Variants in CORIN observed in about 807,000 individuals in gnomAD.
CORIN encodes atrial natriuretic peptide-converting enzyme.
Under a neutral mutation model 125.3 loss-of-function variants are expected in CORIN, and 117 were observed. The ratio of observed to expected loss-of-function variants is 0.93; its 90% CI spans 0.80 to 1.09. CORIN has a LOEUF of 1.09. Ranked by LOEUF, CORIN falls within the 50% of genes least tolerant of loss-of-function variation. CORIN has a pLI of 0.00. For missense variants in CORIN, 1,253 were observed against 1,306.7 expected, an observed-to-expected ratio of 0.96 and a Z score of 0.63; for synonymous variants, 450 against 466.4, an observed-to-expected ratio of 0.96 and a Z score of 0.45.
At chr4:47,678,181 C>T (rs1475187500) in intron 8 of CORIN, 127 bp from the exon 9 acceptor site, 2 of 685,816 alleles carry the variant, frequency 2.9e-6, no homozygotes, top group Admixed American at 2.3e-5. Flanking sequence ...CACAAATGAA[C>T]ATATCATTGA....
intron 3 of CORIN, among the ~76,000 whole-genome samples, chr4:47,779,242 G>A (rs1373453767): frequency 6.6e-6 from 1 of 151,998 alleles, no homozygotes; most frequent in Non-Finnish European, 1.5e-5. Flanking sequence ...TGAGGCAGGC[G>A]GATCACTCAA....
chr4:47,655,178 C>A (rs1284694403), intron 12 of CORIN, among the ~76,000 whole-genome samples: 1 of 151,698 alleles, frequency 6.6e-6, no homozygotes, highest in South Asian at 2.1e-4. Context: ...AGTACTCAGG[C>A]AGTACTTCTC....
intron 1 of CORIN, among the ~76,000 whole-genome samples, chr4:47,831,034 T>C (rs1732966369): frequency 6.6e-6 from 1 of 152,232 alleles, no homozygotes; most frequent in African/African-American, 2.4e-5. Context: ...CTATATTTTC[T>C]GCCCTGCTCC....
rs566259327 is a variant in CORIN at position 47,635,313 on chromosome 4, A to G, written c.2198+6607T>C. ...TTAGAGGAACAAATTACAAACATGT[A>G]AAAAACTATTTTGGATACTGATAAG... On this transcript the variant is annotated intron_variant, in intron 16 of 21. Transcript: ENST00000273857. Among the ~76,000 whole-genome samples the G allele has an allele frequency of 3.5e-4, 53 of 152,326 alleles. 1 individual carries two copies. The South Asian group carries it at 0.011, about 30-fold the overall frequency.
chr4:47,641,769 A>T, intron 16 of CORIN, 151 bp downstream of exon 16: 4 of 839,574 alleles, frequency 4.8e-6, no homozygotes, highest in Non-Finnish European at 7.2e-6. Flanking sequence ...CTATAATTAA[A>T]TATGGTCCTC....
chr4:47,747,395 C>T (rs1215281972), intron 4 of CORIN, among the ~76,000 whole-genome samples: 1 of 152,034 alleles, frequency 6.6e-6, no homozygotes, highest in Admixed American at 6.5e-5. Flanking sequence ...AAACATTCAA[C>T]ATTTTTTGAA....
At chr4:47,627,933 A>C (rs951437358) in intron 16 of CORIN, among the ~76,000 whole-genome samples, 7 of 152,154 alleles carry the variant, frequency 4.6e-5, no homozygotes, top group Admixed American at 6.5e-5. Flanking sequence ...CATTGCAAGG[A>C]ACACCAGCCT....
At chr4:47,697,922 A>G (rs779759088) in intron 5 of CORIN, among the ~76,000 whole-genome samples, 11 of 151,946 alleles carry the variant, frequency 7.2e-5, no homozygotes, top group Middle Eastern at 3.4e-3. Context: ...TTTCATGAGG[A>G]ACTGGAGATA....
intron 19 of CORIN, among the ~76,000 whole-genome samples, chr4:47,610,860 A>G (rs902633550): frequency 6.6e-6 from 1 of 152,122 alleles, no homozygotes; most frequent in African/African-American, 2.4e-5. Flanking sequence ...TCTTTTCCCC[A>G]TTGCTTGTTT....
intron 19 of CORIN, 53 bp from the exon 20 acceptor site, chr4:47,603,721 G>C: frequency 6.4e-7 from 1 of 1,562,034 alleles, no homozygotes; most frequent in South Asian, 1.2e-5. Flanking sequence ...TTTATCATGT[G>C]AAATTCACAT....
intron 5 of CORIN, among the ~76,000 whole-genome samples, chr4:47,720,866 A>C (rs1314610168): frequency 6.6e-6 from 1 of 152,162 alleles, no homozygotes; most frequent in African/African-American, 2.4e-5. Context: ...GGTCTTTGAA[A>C]CACTAACAGG....
intron 2 of CORIN, among the ~76,000 whole-genome samples, chr4:47,793,753 A>T (rs529631952): frequency 8.7e-4 from 133 of 152,300 alleles, no homozygotes; most frequent in African/African-American, 3.0e-3. Context: ...CTAAGTACAG[A>T]TATAGGAGTA....
intron 1 of CORIN, among the ~76,000 whole-genome samples, chr4:47,813,637 G>C (rs1732148130): frequency 1.3e-5 from 2 of 152,184 alleles, no homozygotes; most frequent in African/African-American, 4.8e-5. Flanking sequence ...TTTGAAATGT[G>C]AAGATTAATT....
chr4:47,759,460 C>T (rs1373710297), intron 4 of CORIN, among the ~76,000 whole-genome samples: 1 of 152,092 alleles, frequency 6.6e-6, no homozygotes, highest in African/African-American at 2.4e-5. Context: ...GCAAGCTATA[C>T]ATCTAATAAA....
At chr4:47,818,521 T>G (rs1732370646) in intron 1 of CORIN, among the ~76,000 whole-genome samples, 1 of 152,168 alleles carries the variant, frequency 6.6e-6, no homozygotes, top group African/African-American at 2.4e-5. Flanking sequence ...GGCAGTTTTT[T>G]AAAAGCTGCA....
chr4:47,664,500 C>G (rs1036965193), intron 11 of CORIN, among the ~76,000 whole-genome samples: 1 of 152,168 alleles, frequency 6.6e-6, no homozygotes, highest in Non-Finnish European at 1.5e-5. Context: ...ACTCTTGACA[C>G]TAGAATATCA....
chr4:47,601,199 T>C (rs1038407816), intron 20 of CORIN, among the ~76,000 whole-genome samples: 3 of 152,200 alleles, frequency 2.0e-5, no homozygotes, highest in South Asian at 2.1e-4. Flanking sequence ...GTGGGTCTCA[T>C]TGCCTTTAAT....
chr4:47,821,370 G>A (rs1732503265), intron 1 of CORIN, among the ~76,000 whole-genome samples: 1 of 150,294 alleles, frequency 6.7e-6, no homozygotes, highest in Admixed American at 6.6e-5. Flanking sequence ...TTTATTATAG[G>A]TACTTATATA....
rs1437285644 is a variant in CORIN, at chr4:47,595,487, G to A, written c.*234C>T. ...TAGGCCTGGCAAAAGGACAAAGTCT[G>A]CTTTGTTTGCTTTTGTAAAGTCTTT... On this transcript the variant is annotated 3_prime_UTR_variant, in exon 22 of 22. Transcript: ENST00000273857. 2 of 314,314 alleles carry A rather than the reference G, an allele frequency of 6.4e-6. No individual in the cohort carries two copies. The highest frequency in any genetic ancestry group is 1.2e-5 in the Non-Finnish European group (2 of 171,806). 19.5% of individuals were successfully genotyped at this position (314,314 alleles called of 1,614,324 possible). A position where few individuals can be genotyped will look rare whatever the true frequency, so the allele number is the denominator to read the frequency against.
Sources: allele counts gnomAD v4.1 joint callset (sites outside exome capture counted in the v4.1 genomes callset), GRCh38; gene constraint gnomAD v4.1.1; transcripts MANE v1.5; gene names NCBI Gene and HGNC (gene_info 2026-07-23, HGNC 2026-07-21).